DYM: variants seen among roughly 807,000 people sequenced by gnomAD.
DYM encodes dyggve-Melchior-Clausen syndrome protein.
In DYM, 78 loss-of-function variants were observed where a neutral mutation model predicts 93.1. That is an observed-to-expected ratio of 0.84 (90% CI 0.70 to 1.01). DYM has a LOEUF of 1.01. DYM is among the 50% of genes least tolerant of loss of function. The pLI is 0.00. For synonymous variants in DYM, 321 were observed against 319.7 expected (o/e 1.00, Z -0.04); for missense variants, 789 against 845.0 (o/e 0.93, Z 0.82).
intron 1 of DYM, among the ~76,000 whole-genome samples, chr18:49,436,953 T>G (rs1447094147): frequency 6.6e-6 from 1 of 152,188 alleles, no homozygotes; most frequent in Admixed American, 6.5e-5. Context: ...GAATGCTGAA[T>G]TTTCAAAAGA....
chr18:49,282,742 T>A (rs1348692514), intron 9 of DYM, among the ~76,000 whole-genome samples: 1 of 152,166 alleles, frequency 6.6e-6, no homozygotes, highest in African/African-American at 2.4e-5. Flanking sequence ...ATAAACAGAA[T>A]TATGAGCTAG....
rs960549777 is a variant in DYM, at chr18:49,252,852, T to C, written c.1460+4158A>G. On this transcript the variant is annotated intron_variant, in intron 13 of 17. Coordinates refer to ENST00000675505, the MANE Select transcript of DYM (RefSeq NM_001353214.3). ...TGCCTTGCATATAATCTACTCTTTA[T>C]AAATGTCTTGAAATTCAATAACCTC... Among the ~76,000 whole-genome samples the C allele has an allele frequency of 2.0e-5, 3 of 152,196 alleles. No homozygotes were observed. In the East Asian group the frequency reaches 5.8e-4, roughly 29 times the overall value.
rs1431514774 is a variant in DYM, at chr18:49,219,792, C to T, written c.1461-10077G>A. On this transcript the variant is annotated intron_variant, in intron 13 of 17. Transcript: ENST00000675505. Reference sequence around the variant, plus strand: ...AGAGCTATCTATGACAAACCCACAGCCAATATCATACTGAATGGGCAAAAA... The same window carrying T: ...AGAGCTATCTATGACAAACCCACAGTCAATATCATACTGAATGGGCAAAAA... Among the ~76,000 whole-genome samples, 58 of 150,746 alleles carry T rather than the reference C, an allele frequency of 3.8e-4. 1 individual carries two copies. The highest frequency in any genetic ancestry group is 2.7e-4 in the African/African-American group (11 of 41,356).
chr18:49,306,841 T>C (rs1354160884), intron 8 of DYM, among the ~76,000 whole-genome samples: 1 of 152,224 alleles, frequency 6.6e-6, no homozygotes, highest in Non-Finnish European at 1.5e-5. Context: ...CTTCGTGTAA[T>C]TCACTGTGTT....
At chr18:49,437,722 G>C (rs1201994236) in intron 1 of DYM, among the ~76,000 whole-genome samples, 1 of 152,096 alleles carries the variant, frequency 6.6e-6, no homozygotes, top group Admixed American at 6.5e-5. Flanking sequence ...AGCCACCATT[G>C]TTTAATCAAA....
At position 49,042,611 on chromosome 18, in the gene DYM, GAC is replaced by G. The variant is rs1244552255; in HGVS notation, c.*1442_*1443del. ...ACACAGGACAGGAGAAGCCAGCCCTGACACAGATGAGCTGGCAGTGGATTCGA... is the reference window on the plus strand; with the variant it reads ...ACACAGGACAGGAGAAGCCAGCCCTGACAGATGAGCTGGCAGTGGATTCGA... On this transcript the variant is annotated 3_prime_UTR_variant, in exon 18 of 18. Transcript: ENST00000675505. 6.6e-6 allele frequency: 1 copy of G among 152,292 alleles called. No individual in the cohort carries two copies. The highest frequency in any genetic ancestry group is 2.4e-5 in the African/African-American group (1 of 41,478). 9.4% of individuals were successfully genotyped at this position (152,292 alleles called of 1,614,324 possible).
At chr18:49,142,871 T>G (rs1243575464) in intron 15 of DYM, among the ~76,000 whole-genome samples, 1 of 152,192 alleles carries the variant, frequency 6.6e-6, no homozygotes, top group Non-Finnish European at 1.5e-5. Context: ...AAACCCCAGT[T>G]AAATAAAGTT....
At chr18:49,429,989 T>C (rs1399226049) in intron 2 of DYM, among the ~76,000 whole-genome samples, 1 of 152,240 alleles carries the variant, frequency 6.6e-6, no homozygotes, top group Non-Finnish European at 1.5e-5. Flanking sequence ...ATGGGATATA[T>C]GCTTAAGTAA....
At chr18:49,309,368 C>T (rs1462684548) in intron 8 of DYM, among the ~76,000 whole-genome samples, 1 of 152,124 alleles carries the variant, frequency 6.6e-6, no homozygotes, top group Non-Finnish European at 1.5e-5. Context: ...GATGCAGTGG[C>T]TCATGTCCAT....
intron 13 of DYM, among the ~76,000 whole-genome samples, chr18:49,210,080 G>T (rs561710281): frequency 1.3e-5 from 2 of 152,220 alleles, no homozygotes; most frequent in Non-Finnish European, 2.9e-5. Flanking sequence ...AGGATGTGGA[G>T]CAACAGGAAC....
intron 10 of DYM, among the ~76,000 whole-genome samples, 164 bp downstream of exon 10, chr18:49,281,833 T>G (rs538459345): frequency 2.0e-5 from 3 of 152,246 alleles, no homozygotes; most frequent in African/African-American, 7.2e-5. Flanking sequence ...GGGATAGCAT[T>G]TGGCGATATA....
rs2076319440 is a variant in DYM at position 49,065,469 on chromosome 18, TCTC to T, written c.2026-21268_2026-21266del. On this transcript the variant is annotated intron_variant, in intron 17 of 17. Coordinates refer to ENST00000675505, the MANE Select transcript of DYM (RefSeq NM_001353214.3). ...CCTCCGCCTCCTGTGTTCAAGCAATTCTCCTGCCTCACCCTCCCGAGTAGCTGG... is the reference window on the plus strand; with the variant it reads ...CCTCCGCCTCCTGTGTTCAAGCAATTCTGCCTCACCCTCCCGAGTAGCTGG... Among the ~76,000 whole-genome samples the T allele has an allele frequency of 2.0e-5, 3 of 152,250 alleles. No homozygotes were observed. The East Asian group carries it at 5.8e-4, about 29-fold the overall frequency.
chr18:49,329,413 A>G (rs1414917071), intron 8 of DYM, among the ~76,000 whole-genome samples: 2 of 152,214 alleles, frequency 1.3e-5, no homozygotes, highest in African/African-American at 2.4e-5. Flanking sequence ...GTGCACATGT[A>G]CCCTAGAAAA....
At chr18:49,079,384 G>C (rs956494192) in intron 17 of DYM, among the ~76,000 whole-genome samples, 12 of 151,608 alleles carry the variant, frequency 7.9e-5, no homozygotes, top group Non-Finnish European at 1.5e-4. Flanking sequence ...ATGTTACATT[G>C]TAGAGATTCT....
At chr18:49,087,889 ATG>A (rs528522539) in intron 17 of DYM, among the ~76,000 whole-genome samples, 266 of 152,128 alleles carry the variant, frequency 1.7e-3, no homozygotes, top group African/African-American at 5.8e-3. Context: ...GCATTTTTTC[ATG>A]TGTCTTTTGG....
At chr18:49,353,113 TA>T (rs2065253325) in intron 6 of DYM, among the ~76,000 whole-genome samples, 1 of 152,038 alleles carries the variant, frequency 6.6e-6, no homozygotes, top group South Asian at 2.1e-4. Context: ...CTCAAAACAA[TA>T]AATATACTCA....
Position 49,209,600 on chromosome 18 carries a change from C to T in DYM, c.1576G>A (p.Glu526Lys), listed in dbSNP as rs745942308. Residue 526 changes from glutamate (E) to lysine (K), a missense_variant, in exon 14 of 18, where the codon GAA becomes AAA. Glu to Lys is a moderately conservative substitution (Grantham distance 56). Around this residue, in one of 3 missense-constraint regions of DYM, gnomAD observed 225 missense variants for 303.0 expected, o/e 0.74. Transcript: ENST00000675505. ...TGAGAGCAAGTTAAAGACAAGAGTT[C>T]CTCTCCATTGTCACTGAGGGTCGAG... is the stretch of plus-strand genomic sequence containing the variant. ...CFSTLSDNGE[E>K]LLSLTCSHIL... 13 of 1,289,740 alleles carry T rather than the reference C, an allele frequency of 1.0e-5. No homozygotes were observed. In the South Asian group the frequency reaches 1.6e-4, roughly 16 times the overall value. 79.9% of individuals were successfully genotyped at this position (1,289,740 alleles called of 1,614,324 possible). A position where few individuals can be genotyped will look rare whatever the true frequency, so the allele number is the denominator to read the frequency against.
At chr18:49,221,683 A>G (rs1175833266) in intron 13 of DYM, among the ~76,000 whole-genome samples, 1 of 151,976 alleles carries the variant, frequency 6.6e-6, no homozygotes, top group Non-Finnish European at 1.5e-5. Context: ...GCATGTTCTC[A>G]CTCATAGGTG....
intron 14 of DYM, among the ~76,000 whole-genome samples, chr18:49,188,717 A>G (rs2145634536): frequency 6.6e-6 from 1 of 152,268 alleles, no homozygotes; most frequent in South Asian, 2.1e-4. Flanking sequence ...GAGGGATAGC[A>G]TTTGGAGATA....
Sources: gnomAD v4.1 joint callset for allele counts (sites outside exome capture counted in the v4.1 genomes callset) on GRCh38, gnomAD v4.1.1 for gene constraint, gnomAD v4.1.1 regional missense constraint, MANE v1.5 for transcripts, NCBI Gene and HGNC (gene_info 2026-07-23, HGNC 2026-07-21) for gene names.